Variants in SPATA13 observed in about 807,000 individuals in gnomAD.
SPATA13 encodes spermatogenesis associated 13, also known as spermatogenesis-associated protein 13.
SPATA13 carries 50 observed loss-of-function variants against 104.0 expected under a neutral mutation model. That is an observed-to-expected ratio of 0.48 (90% CI 0.38 to 0.61). SPATA13 has a LOEUF of 0.61. Among genes scored for constraint, SPATA13 ranks in the 20% least tolerant of loss-of-function variants. The pLI, the probability that SPATA13 is intolerant of heterozygous loss-of-function variation, is 0.00. For missense variants in SPATA13, 1,524 were observed against 1,690.6 expected, an observed-to-expected ratio of 0.90 and a Z score of 1.73; for synonymous variants, 606 against 667.5, an observed-to-expected ratio of 0.91 and a Z score of 1.42.
At chr13:24,154,486 A>G (rs1248464297) in intron 3 of SPATA13, among the ~76,000 whole-genome samples, 1 of 152,142 alleles carries the variant, frequency 6.6e-6, no homozygotes, top group East Asian at 1.9e-4. Context: ...TTATGGCAAT[A>G]AACATTAATG....
intron 3 of SPATA13, among the ~76,000 whole-genome samples, chr13:24,134,684 T>C (rs1353189456): frequency 6.6e-6 from 1 of 152,162 alleles, no homozygotes; most frequent in Non-Finnish European, 1.5e-5. Flanking sequence ...GAGCAGCTGG[T>C]CGTGACCCAC....
At chr13:24,000,268 C>T (rs1295000192) in intron 2 of SPATA13, among the ~76,000 whole-genome samples, 1 of 152,156 alleles carries the variant, frequency 6.6e-6, no homozygotes, top group Non-Finnish European at 1.5e-5. Context: ...AAGTGTAGGT[C>T]TTGGGGCAGC....
intron 4 of SPATA13, chr13:24,270,918 T>C: frequency 6.3e-7 from 1 of 1,599,872 alleles, no homozygotes; most frequent in Non-Finnish European, 8.6e-7. Context: ...CTTGGGTATG[T>C]GTGCAAAGAA....
Position 24,224,555 on chromosome 13 carries a change from C to T in SPATA13, c.1626C>T (p.Ala542=), listed in dbSNP as rs373414745. The T allele has an allele frequency of 5.9e-5, 91 of 1,540,592 alleles. No individual in the cohort carries two copies. Among genetic ancestry groups the T allele is most frequent in the Non-Finnish European group, 7.4e-5 (85 of 1,146,896 alleles). The change falls in exon 2 of 13, where the codon GCC becomes GCT. Residue 542 remains alanine, a synonymous_variant. Coordinates refer to ENST00000382108, the MANE Select transcript of SPATA13 (RefSeq NM_001166271.3). ...KDLLVNIGVA[A]GPEEKEKEEV... ...TTCTGGTGAACATTGGTGTGGCAGC[C>T]GGCCCAGAAGAAAAGGAGAAGGAGG...
chr13:24,028,256 T>G (rs12427506), intron 3 of SPATA13, among the ~76,000 whole-genome samples: 1 of 152,066 alleles, frequency 6.6e-6, no homozygotes, highest in Non-Finnish European at 1.5e-5. Flanking sequence ...TGAGCTAATT[T>G]ATTTTCTTCC....
chr13:24,241,331 A>G (rs551541773), intron 2 of SPATA13, among the ~76,000 whole-genome samples: 69 of 152,358 alleles, frequency 4.5e-4, no homozygotes, highest in South Asian at 3.5e-3. Context: ...GGGACAACTT[A>G]ATGACCCTGT....
At chr13:24,077,492 G>A (rs1879372944) in intron 3 of SPATA13, among the ~76,000 whole-genome samples, 1 of 152,022 alleles carries the variant, frequency 6.6e-6, no homozygotes, top group Non-Finnish European at 1.5e-5. Context: ...GAAGGGAGTG[G>A]GTGAGGGAAG....
intron 1 of SPATA13, among the ~76,000 whole-genome samples, chr13:24,191,556 C>G (rs1869758246): frequency 1.7e-5 from 2 of 117,006 alleles, no homozygotes; most frequent in Non-Finnish European, 3.2e-5. Flanking sequence ...GTCACTCAGG[C>G]TGGAGTGCAG....
At chr13:23,985,129 T>C (rs1875090834) in intron 2 of SPATA13, among the ~76,000 whole-genome samples, 1 of 152,214 alleles carries the variant, frequency 6.6e-6, no homozygotes, top group Non-Finnish European at 1.5e-5. Flanking sequence ...GATGACTTCC[T>C]CAGGCGTGGG....
intron 3 of SPATA13, among the ~76,000 whole-genome samples, chr13:24,035,598 A>G (rs1593291036): frequency 2.0e-5 from 3 of 152,362 alleles, no homozygotes; most frequent in Non-Finnish European, 1.5e-5. Context: ...AGAAACAAAC[A>G]TGAGAAAAAC....
intron 3 of SPATA13, among the ~76,000 whole-genome samples, chr13:24,057,149 T>A (rs1878589963): frequency 6.6e-6 from 1 of 151,930 alleles, no homozygotes. Context: ...GTTACATATG[T>A]ATACATGTGC....
intron 3 of SPATA13, among the ~76,000 whole-genome samples, chr13:24,110,661 A>T (rs1880610020): frequency 6.6e-6 from 1 of 152,190 alleles, no homozygotes; most frequent in African/African-American, 2.4e-5. Flanking sequence ...GATCCTGCGG[A>T]CACAGAAAGG....
At chr13:24,087,723 C>T (rs1879779807) in intron 3 of SPATA13, among the ~76,000 whole-genome samples, 1 of 152,174 alleles carries the variant, frequency 6.6e-6, no homozygotes, top group Admixed American at 6.5e-5. Flanking sequence ...TATGGGGAGG[C>T]CTCTGGCACC....
intron 3 of SPATA13, among the ~76,000 whole-genome samples, chr13:24,029,297 TG>T (rs1344371435): frequency 2.0e-5 from 3 of 152,216 alleles, no homozygotes; most frequent in African/African-American, 7.2e-5. Context: ...AATTTTTGTT[TG>T]CTTTTACCAG....
chr13:24,185,897 G>A (rs1869120966), intron 1 of SPATA13, among the ~76,000 whole-genome samples: 2 of 152,162 alleles, frequency 1.3e-5, no homozygotes, highest in African/African-American at 4.8e-5. Context: ...GGGTAGGTCA[G>A]TAGGCTGGAG....
intron 3 of SPATA13, among the ~76,000 whole-genome samples, chr13:24,107,440 A>G (rs1325958680): frequency 6.6e-6 from 1 of 152,044 alleles, no homozygotes; most frequent in Non-Finnish European, 1.5e-5. Context: ...AGAAATACCC[A>G]AGGCCCTAGG....
chr13:24,294,979 T>A, intron 10 of SPATA13, 111 bp downstream of exon 10: 1 of 1,131,896 alleles, frequency 8.8e-7, no homozygotes, highest in Non-Finnish European at 1.2e-6. Context: ...TTCTTGGCTT[T>A]AATGGTACAT....
intron 3 of SPATA13, among the ~76,000 whole-genome samples, chr13:24,044,416 A>G (rs1878057288): frequency 6.6e-6 from 1 of 151,672 alleles, no homozygotes; most frequent in Non-Finnish European, 1.5e-5. Flanking sequence ...TATTTTTAGT[A>G]GAGACGGGGT....
intron 4 of SPATA13, among the ~76,000 whole-genome samples, chr13:24,274,377 C>G (rs1874828014): frequency 6.6e-6 from 1 of 152,248 alleles, no homozygotes; most frequent in South Asian, 2.1e-4. Context: ...CCCAACCTGA[C>G]TCAGTGGCCC....
Sources: gnomAD v4.1 joint callset for allele counts (sites outside exome capture counted in the v4.1 genomes callset) on GRCh38, gnomAD v4.1.1 for gene constraint, MANE v1.5 for transcripts, NCBI Gene and HGNC (gene_info 2026-07-23, HGNC 2026-07-21) for gene names.